Variants in PHC3 observed in about 807,000 individuals in gnomAD.
The protein encoded by PHC3 is polyhomeotic-like protein 3.
In PHC3, 13 loss-of-function variants were observed where a neutral mutation model predicts 107.4. The observed-to-expected ratio is 0.12, with a 90% CI of 0.08 to 0.19. PHC3 has a LOEUF of 0.19. PHC3 is among the 10% of genes least tolerant of loss of function. PHC3 has a pLI of 1.00. For missense variants in PHC3, 992 were observed against 1,210.9 expected (o/e 0.82, Z 2.68); for synonymous variants, 456 against 427.4 (o/e 1.07, Z -0.83).
chr3:170,134,318 T>TA (rs1722716718), intron 7 of PHC3, among the ~76,000 whole-genome samples: 1 of 151,942 alleles, frequency 6.6e-6, no homozygotes. Flanking sequence ...GCCTCCCATG[T>TA]AGCTGGGACT....
At chr3:170,141,385 G>T (rs950517429) in intron 6 of PHC3, among the ~76,000 whole-genome samples, 1 of 152,048 alleles carries the variant, frequency 6.6e-6, no homozygotes, top group African/African-American at 2.4e-5. Flanking sequence ...AATTAAGTCC[G>T]ATCACAGAGG....
At chr3:170,133,114 G>A (rs1282059458) in intron 7 of PHC3, among the ~76,000 whole-genome samples, 1 of 151,502 alleles carries the variant, frequency 6.6e-6, no homozygotes, top group Admixed American at 6.6e-5. Context: ...TGACTTGAAG[G>A]AACATTTTTC....
intron 7 of PHC3, among the ~76,000 whole-genome samples, chr3:170,130,322 G>A (rs1430597764): frequency 4.6e-5 from 7 of 151,936 alleles, no homozygotes; most frequent in Admixed American, 3.9e-4. Flanking sequence ...ATATCTAAAC[G>A]TGCTTCCAAC....
rs2108352945 is a variant in PHC3 at position 170,114,182 on chromosome 3, T to C, written c.2194-663A>G. ...GTGCCACCGCGCCTGGCTAATTTTG[T>C]ATTTTTAGTAGAGACGGGGTTTCTC... On this transcript the variant is annotated intron_variant, in intron 10 of 14. Transcript: ENST00000495893. Among the ~76,000 whole-genome samples, 3 of 152,248 alleles carry C rather than the reference T, an allele frequency of 2.0e-5. No individual in the cohort carries two copies. In the Middle Eastern group the frequency reaches 0.01, roughly 518 times the overall value.
chr3:170,117,136 C>T (rs762426505), intron 10 of PHC3, 90 bp downstream of exon 10: 2 of 1,474,652 alleles, frequency 1.4e-6, no homozygotes, highest in African/African-American at 2.8e-5. Flanking sequence ...AATAAAATTA[C>T]AAGCTTTTTA....
chr3:170,178,729 T>A, intron 2 of PHC3, 44 bp downstream of exon 2: 3 of 1,592,316 alleles, frequency 1.9e-6, no homozygotes, highest in Non-Finnish European at 2.6e-6. Flanking sequence ...AAAAGTAATA[T>A]GACATCTTAA....
chr3:170,161,620 G>A (rs1449627267), intron 4 of PHC3, among the ~76,000 whole-genome samples: 1 of 152,184 alleles, frequency 6.6e-6, no homozygotes, highest in East Asian at 1.9e-4. Context: ...CCTGCTGTGA[G>A]GCCCAGTTCC....
chr3:170,092,453 A>G lies in PHC3; in HGVS notation c.*4777T>C, dbSNP rs769077624. 1.3e-5 allele frequency: 2 copies of G among 152,206 alleles called. No homozygotes were observed. Among genetic ancestry groups the G allele is most frequent in the African/African-American group, 2.4e-5 (1 of 41,452 alleles). The allele number at this position is 152,206 out of a possible 1,614,324, so 9.4% of individuals were successfully genotyped here. On this transcript the variant is annotated 3_prime_UTR_variant, in exon 15 of 15. Coordinates refer to ENST00000495893, the MANE Select transcript of PHC3 (RefSeq NM_024947.4). ...GCTCCAAGTAGATTTGTAAAATACC[A>G]ATATTGATGAATGTGGGTAAACAGT...
At chr3:170,168,518 C>A (rs1416326290) in intron 4 of PHC3, among the ~76,000 whole-genome samples, 1 of 151,892 alleles carries the variant, frequency 6.6e-6, no homozygotes, top group Admixed American at 6.6e-5. Flanking sequence ...GTAATCCCAG[C>A]ACTTTGGGAG....
chr3:170,138,088 G>A (rs1723419072), intron 6 of PHC3, among the ~76,000 whole-genome samples: 1 of 152,064 alleles, frequency 6.6e-6, no homozygotes, highest in African/African-American at 2.4e-5. Flanking sequence ...CCAGCTACTC[G>A]GGAGGCTGAG....
At chr3:170,176,936 T>G (rs1331491995) in intron 2 of PHC3, 1 of 454,516 alleles carries the variant, frequency 2.2e-6, no homozygotes, top group South Asian at 1.6e-5. Flanking sequence ...CTAAAGATAA[T>G]GAAAATGGAA....
At chr3:170,148,536 A>C (rs1037268966) in intron 5 of PHC3, 1 of 152,284 alleles carries the variant, frequency 6.6e-6, no homozygotes, top group Admixed American at 6.5e-5. Context: ...AAATGAACAC[A>C]AGAACACAAA....
chr3:170,122,461 G>T (rs1481937288), intron 9 of PHC3, 130 bp downstream of exon 9: 9 of 908,072 alleles, frequency 9.9e-6, no homozygotes, highest in Non-Finnish European at 1.4e-5. Flanking sequence ...AAATCAGCCA[G>T]CTGTAATGGT....
At chr3:170,180,455 G>A (rs1320232696) in intron 1 of PHC3, among the ~76,000 whole-genome samples, 1 of 151,226 alleles carries the variant, frequency 6.6e-6, no homozygotes, top group Non-Finnish European at 1.5e-5. Context: ...CTGTCACAAA[G>A]AAAGAAAAAG....
rs2108231375 is a variant in PHC3, at chr3:170,093,558, T to C, written c.*3672A>G. The C allele has an allele frequency of 6.6e-6, 1 of 152,328 alleles. No homozygotes were observed. Among genetic ancestry groups the C allele is most frequent in the East Asian group, 1.9e-4 (1 of 5,184 alleles). 9.4% of individuals were successfully genotyped at this position (152,328 alleles called of 1,614,324 possible). On this transcript the variant is annotated 3_prime_UTR_variant, in exon 15 of 15. Coordinates refer to ENST00000495893, the MANE Select transcript of PHC3 (RefSeq NM_024947.4). ...AGTGTATTCTTTCAAAAATTGTTTA[T>C]ACACACTTAATATAGGCATATAGCC...
intron 2 of PHC3, among the ~76,000 whole-genome samples, chr3:170,175,148 A>G (rs991621228): frequency 6.6e-6 from 1 of 152,244 alleles, no homozygotes; most frequent in African/African-American, 2.4e-5. Context: ...GGACAGAAAA[A>G]GCAAGCTGGA....
chr3:170,172,420 C>A, intron 3 of PHC3, 137 bp downstream of exon 3: 2 of 897,438 alleles, frequency 2.2e-6, no homozygotes, highest in Non-Finnish European at 3.3e-6. Context: ...ATTCGGCAAC[C>A]TATTAATATA....
At chr3:170,153,866 T>C (rs1376220615) in intron 4 of PHC3, among the ~76,000 whole-genome samples, 1 of 151,850 alleles carries the variant, frequency 6.6e-6, no homozygotes, top group Non-Finnish European at 1.5e-5. Flanking sequence ...CCCATTACCA[T>C]AGCAAGGTAT....
At chr3:170,159,078 C>T (rs754476312) in intron 4 of PHC3, among the ~76,000 whole-genome samples, 5 of 151,704 alleles carry the variant, frequency 3.3e-5, no homozygotes, top group South Asian at 2.1e-4. Flanking sequence ...GGTGAAACCG[C>T]GTATCCACTA....
Sources: allele counts gnomAD v4.1 joint callset (sites outside exome capture counted in the v4.1 genomes callset), GRCh38; gene constraint gnomAD v4.1.1; transcripts MANE v1.5; gene names NCBI Gene and HGNC (gene_info 2026-07-23, HGNC 2026-07-21).